The following CD44 variants were observed in gnomAD, a reference collection of about 807,000 sequenced individuals.
CD44 encodes CD44 antigen.
CD44 carries 49 observed loss-of-function variants against 88.8 expected under a neutral mutation model. That is an observed-to-expected ratio of 0.55 (90% CI 0.44 to 0.70). CD44 has a LOEUF of 0.70. Ranked by LOEUF, CD44 falls within the 30% of genes least tolerant of loss-of-function variation. CD44 has a pLI of 0.00. For missense variants in CD44, 883 were observed against 913.8 expected (o/e 0.97, Z 0.43); for synonymous variants, 325 against 312.3 (o/e 1.04, Z -0.43).
At chr11:35,145,601 A>G (rs1489654769) in intron 1 of CD44, among the ~76,000 whole-genome samples, 1 of 152,050 alleles carries the variant, frequency 6.6e-6, no homozygotes, top group Non-Finnish European at 1.5e-5. Context: ...TGAGGACACC[A>G]ACCCCAAATT....
intron 1 of CD44, among the ~76,000 whole-genome samples, chr11:35,169,971 A>G (rs945841039): frequency 3.9e-5 from 6 of 152,182 alleles, no homozygotes; most frequent in Admixed American, 1.3e-4. Context: ...CATCTCTAAA[A>G]TGGGTTTAGC....
chr11:35,204,478 C>T, intron 9 of CD44, 34 bp from the exon 10 acceptor site: 1 of 1,608,746 alleles, frequency 6.2e-7, no homozygotes, highest in Non-Finnish European at 8.5e-7. Context: ...GGAAAATAGA[C>T]AATTATGTCT....
At chr11:35,208,230 C>G (rs1948076610) in intron 12 of CD44, 24 bp downstream of exon 12, 1 of 1,433,232 alleles carries the variant, frequency 7.0e-7, no homozygotes, top group Non-Finnish European at 9.8e-7. Flanking sequence ...TGCTCAGCCA[C>G]TTTATTGACT....
At chr11:35,148,231 G>A (rs1207855095) in intron 1 of CD44, among the ~76,000 whole-genome samples, 1 of 152,168 alleles carries the variant, frequency 6.6e-6, no homozygotes, top group Non-Finnish European at 1.5e-5. Context: ...GCTACTACAT[G>A]CCAATCACAG....
chr11:35,203,010 G>A (rs1287494636), intron 9 of CD44, among the ~76,000 whole-genome samples: 4 of 152,152 alleles, frequency 2.6e-5, no homozygotes, highest in East Asian at 1.9e-4. Flanking sequence ...TGGTGCTTGC[G>A]GGGCATTAGG....
intron 11 of CD44, among the ~76,000 whole-genome samples, chr11:35,206,650 A>T (rs1947870864): frequency 1.3e-5 from 1 of 79,478 alleles, no homozygotes. Flanking sequence ...AGAGAAAGGA[A>T]GTGGGTGGTG....
intron 8 of CD44, 116 bp downstream of exon 8, chr11:35,201,311 C>A (rs1947297557): frequency 2.7e-6 from 2 of 746,338 alleles, no homozygotes; most frequent in Middle Eastern, 2.3e-4. Context: ...TCAAGAAATT[C>A]TTAGTGGACT....
intron 1 of CD44, chr11:35,139,709 C>T (rs1328324835): frequency 1.8e-6 from 1 of 547,224 alleles, no homozygotes; most frequent in Non-Finnish European, 3.5e-6. Context: ...GACTAACAGG[C>T]TCCTGTGCCC....
rs1950084209 is a variant in CD44, at chr11:35,232,016, A to G, written c.*2683A>G. ...AAGTTTTATATTGAGATTCATAACA[A>G]CACCAAGAATTGATTTTGTAGCCAA... is the stretch of plus-strand genomic sequence containing the variant. On this transcript the variant is annotated 3_prime_UTR_variant, in exon 18 of 18. Coordinates refer to ENST00000428726, the MANE Select transcript of CD44 (RefSeq NM_000610.4). 6.6e-6 allele frequency: 1 copy of G among 152,210 alleles called. No homozygotes were observed. The highest frequency in any genetic ancestry group is 1.5e-5 in the Non-Finnish European group (1 of 68,038). The allele number at this position is 152,210 out of a possible 1,614,324, so 9.4% of individuals were successfully genotyped here. A position where few individuals can be genotyped will look rare whatever the true frequency, so the allele number is the denominator to read the frequency against.
chr11:35,140,953 G>A (rs1857794585), intron 1 of CD44, among the ~76,000 whole-genome samples: 2 of 150,186 alleles, frequency 1.3e-5, no homozygotes, highest in African/African-American at 4.9e-5. Context: ...CCTAGGAGGT[G>A]AAGGTTGCAG....
chr11:35,142,938 C>T (rs1421538724), intron 1 of CD44, among the ~76,000 whole-genome samples: 2 of 151,998 alleles, frequency 1.3e-5, no homozygotes, highest in Admixed American at 6.6e-5. Context: ...CCCCTCTCTG[C>T]GACTTGTTAA....
chr11:35,221,682 G>A lies in CD44; in HGVS notation c.1974G>A (p.Leu658=), dbSNP rs1428422221. 2 of 1,613,926 alleles carry A rather than the reference G, an allele frequency of 1.2e-6. No individual in the cohort carries two copies. The highest frequency in any genetic ancestry group is 1.7e-6 in the Non-Finnish European group (2 of 1,179,936). The change falls in exon 17 of 18, where the codon TTG becomes TTA. Residue 658 remains leucine, a synonymous_variant. Transcript: ENST00000428726. ...GGCTGATCATCTTGGCATCCCTCTT[G>A]GCCTTGGCTTTGATTCTTGCAGTTT... ...PEWLIILASL[L]ALALILAVCI...
In CD44 at chr11:35,201,132, AC is replaced by A. The variant is rs748597478; in HGVS notation, c.976del (p.Gln326SerfsTer19). 6.2e-7 allele frequency: 1 copy of A among 1,614,138 alleles called. No individual in the cohort carries two copies. The highest frequency in any genetic ancestry group is 8.5e-7 in the Non-Finnish European group (1 of 1,179,954). ...CCACACAAAACAGAACCAGGACTGG[AC>A]CCAGTGGAACCCAAGCCATTCAAAT... ...FDHTKQNQDW[T>X]QWNPSHSNPE... On this transcript the variant is annotated frameshift_variant, in exon 8 of 18. Transcript: ENST00000428726. LOFTEE classifies it high-confidence loss of function.
At position 35,201,156 on chromosome 11, in the gene CD44, A is replaced by C. The variant is rs754008748; in HGVS notation, c.997A>C (p.Asn333His). 10 of 1,613,936 alleles carry C rather than the reference A, an allele frequency of 6.2e-6. No individual in the cohort carries two copies. The highest frequency in any genetic ancestry group is 1.3e-5 in the African/African-American group (1 of 74,926). ...DWTQWNPSHSNPEVLLQTTTR... is the reference protein window; with the variant it reads ...DWTQWNPSHSHPEVLLQTTTR... Reference sequence around the variant, plus strand: ...GACCCAGTGGAACCCAAGCCATTCAAATCCGGAAGTGCTACTTCAGACAAC... The same window carrying C: ...GACCCAGTGGAACCCAAGCCATTCACATCCGGAAGTGCTACTTCAGACAAC... Residue 333 changes from asparagine to histidine, a missense_variant, in exon 8 of 18, where the codon AAT (asparagine) becomes CAT (histidine). Coordinates refer to ENST00000428726, the MANE Select transcript of CD44 (RefSeq NM_000610.4).
chr11:35,219,401 T>G lies in CD44; in HGVS notation c.1945+14T>G. 1 of 1,604,414 alleles carries G rather than the reference T, an allele frequency of 6.2e-7. No individual in the cohort carries two copies. Among genetic ancestry groups the G allele is most frequent in the Non-Finnish European group, 8.5e-7 (1 of 1,171,636 alleles). ...CCCAAATTCCAGGTGAGTTTCAAAC[T>G]TTGAGGCAGAAAAACACACTGAAAG... On this transcript the variant is annotated intron_variant, in intron 16 of 17. Coordinates refer to ENST00000428726, the MANE Select transcript of CD44 (RefSeq NM_000610.4).
rs531344228 is a variant in CD44, at chr11:35,226,908, G to A, written c.2025-2221G>A. Among the ~76,000 whole-genome samples, 34 of 88,780 alleles carry A rather than the reference G, an allele frequency of 3.8e-4. No homozygotes were observed. In the East Asian group the frequency reaches 8.1e-3, roughly 21 times the overall value. The allele number at this position is 88,780 out of a possible 152,430, so 58.2% of individuals were successfully genotyped here. A position where few individuals can be genotyped will look rare whatever the true frequency, so the allele number is the denominator to read the frequency against. On this transcript the variant is annotated intron_variant, in intron 17 of 17. Coordinates refer to ENST00000428726, the MANE Select transcript of CD44 (RefSeq NM_000610.4). ...TTTTTTTTTTTTTTTTTTTTGAGAC[G>A]GAGTCTTACTGTGTCACCCAGGCTG...
chr11:35,216,269 TCTA>T (rs939767956), intron 15 of CD44, among the ~76,000 whole-genome samples: 1 of 152,072 alleles, frequency 6.6e-6, no homozygotes, highest in African/African-American at 2.4e-5. Flanking sequence ...ACTAATTACT[TCTA>T]CTGCTGGGCT....
In CD44 at chr11:35,139,316, T is replaced by C; in HGVS notation, c.13T>C (p.Trp5Arg). The change falls in exon 1 of 18, where the codon TGG (tryptophan) becomes CGG (arginine). Residue 5 changes from tryptophan (W) to arginine (R), a missense_variant. Physicochemically the swap from Trp to Arg is moderately radical, Grantham distance 101. Around this residue, in one of 2 missense-constraint regions of CD44, gnomAD observed 252 missense variants for 322.9 expected, o/e 0.78. Coordinates refer to ENST00000428726, the MANE Select transcript of CD44 (RefSeq NM_000610.4). Reference sequence around the variant, plus strand: ...CGCTCCGGACACCATGGACAAGTTTTGGTGGCACGCAGCCTGGGGACTCTG... The same window carrying C: ...CGCTCCGGACACCATGGACAAGTTTCGGTGGCACGCAGCCTGGGGACTCTG... MDKF[W>R]WHAAWGLCLV... is the part of the protein sequence containing the mutation. The C allele has an allele frequency of 1.3e-6, 2 of 1,561,982 alleles. No individual in the cohort carries two copies. The highest frequency in any genetic ancestry group is 1.7e-6 in the Non-Finnish European group (2 of 1,152,694).
At chr11:35,166,666 G>A (rs935258760) in intron 1 of CD44, among the ~76,000 whole-genome samples, 3 of 152,206 alleles carry the variant, frequency 2.0e-5, no homozygotes, top group African/African-American at 7.2e-5. Flanking sequence ...GAGAAATCAG[G>A]GGGTCCAGCC....
Sources: gnomAD v4.1 joint callset for allele counts (sites outside exome capture counted in the v4.1 genomes callset) on GRCh38, gnomAD v4.1.1 for gene constraint, gnomAD v4.1.1 regional missense constraint, MANE v1.5 for transcripts, NCBI Gene and HGNC (gene_info 2026-07-23, HGNC 2026-07-21) for gene names.